The following TMEM192 variants were observed in gnomAD, a reference collection of about 807,000 sequenced individuals.
TMEM192 encodes transmembrane protein 192.
TMEM192 carries 20 observed loss-of-function variants against 26.7 expected under a neutral mutation model. The observed-to-expected ratio is 0.75, with a 90% confidence interval of 0.53 to 1.09. TMEM192 has a LOEUF of 1.09. Ranked by LOEUF, TMEM192 falls within the 50% of genes least tolerant of loss-of-function variation. TMEM192 has a pLI of 0.00. For missense variants in TMEM192, 304 were observed against 322.6 expected, an observed-to-expected ratio of 0.94 and a Z score of 0.44; for synonymous variants, 124 against 121.0, an observed-to-expected ratio of 1.02 and a Z score of -0.16.
At chr4:165,081,964 A>C (rs1578898911) in intron 5 of TMEM192, among the ~76,000 whole-genome samples, 1 of 26,728 alleles carries the variant, frequency 3.7e-5, no homozygotes, top group East Asian at 2.8e-3. Flanking sequence ...ATGACTGACC[A>C]TCTTCTTTTT....
In TMEM192 at chr4:165,078,487, C is replaced by T. The variant is rs1319359031; in HGVS notation, c.*1171G>A. On this transcript the variant is annotated 3_prime_UTR_variant, in exon 6 of 6. Transcript: ENST00000306480. ...AACTTAATATGCATTTCTTCCATTA[C>T]AATTTTTAAGTATAATCCAAGGCTT... The T allele has an allele frequency of 6.6e-6, 1 of 152,154 alleles. No individual in the cohort carries two copies. The highest frequency in any genetic ancestry group is 1.9e-4 in the East Asian group (1 of 5,194). 9.4% of individuals were successfully genotyped at this position (152,154 alleles called of 1,614,324 possible).
intron 3 of TMEM192, among the ~76,000 whole-genome samples, chr4:165,092,996 A>G (rs1052104893): frequency 6.6e-5 from 10 of 151,546 alleles, no homozygotes; most frequent in African/African-American, 2.4e-4. Flanking sequence ...TAGCAAGCCC[A>G]CTCACCCAAT....
intron 3 of TMEM192, among the ~76,000 whole-genome samples, chr4:165,092,837 C>A (rs1195197786): frequency 2.0e-5 from 3 of 151,712 alleles, no homozygotes; most frequent in African/African-American, 7.3e-5. Flanking sequence ...GCACAAATGA[C>A]ATAGCTACAC....
intron 1 of TMEM192, 35 bp from the exon 2 acceptor site, chr4:165,103,131 C>T (rs1355401487): frequency 1.3e-6 from 2 of 1,553,552 alleles, no homozygotes; most frequent in Non-Finnish European, 1.7e-6. Context: ...CTATAATCAC[C>T]ACTTTCTAGA....
intron 3 of TMEM192, among the ~76,000 whole-genome samples, chr4:165,094,410 G>T (rs961758274): frequency 6.6e-6 from 1 of 152,074 alleles, no homozygotes; most frequent in Non-Finnish European, 1.5e-5. Flanking sequence ...ATCACTCACC[G>T]TTTTAAAGAT....
At position 165,072,294 on chromosome 4, in the gene TMEM192, C is replaced by G. The variant is rs898989241; in HGVS notation, c.*7364G>C. ...ATAGGGCCAGGCACAGTGACTCATG[C>G]CTGTAATTGCAGCACTTTGGGAGGC... On this transcript the variant is annotated 3_prime_UTR_variant, in exon 6 of 6. Transcript: ENST00000306480. 1 of 151,880 alleles carries G rather than the reference C, an allele frequency of 6.6e-6. No individual in the cohort carries two copies. Among genetic ancestry groups the G allele is most frequent in the African/African-American group, 2.4e-5 (1 of 41,330 alleles). The allele number at this position is 151,880 out of a possible 1,614,324, so 9.4% of individuals were successfully genotyped here.
chr4:165,103,135 T>G, intron 1 of TMEM192, 39 bp from the exon 2 acceptor site: 1 of 1,541,474 alleles, frequency 6.5e-7, no homozygotes, highest in Non-Finnish European at 8.7e-7. Context: ...AATCACCACT[T>G]TCTAGATTAT....
At chr4:165,086,012 C>G (rs891000351) in intron 4 of TMEM192, among the ~76,000 whole-genome samples, 2 of 152,174 alleles carry the variant, frequency 1.3e-5, no homozygotes, top group African/African-American at 4.8e-5. Context: ...GTTGAGCAAC[C>G]AGCCAGCCAT....
At chr4:165,106,625 G>C (rs111722207) in intron 1 of TMEM192, among the ~76,000 whole-genome samples, 1 of 152,204 alleles carries the variant, frequency 6.6e-6, no homozygotes, top group East Asian at 1.9e-4. Context: ...TCAGATGCTT[G>C]CCTCCTTAAT....
Position 165,078,440 on chromosome 4 carries a change from G to A in TMEM192, c.*1218C>T, listed in dbSNP as rs1734438172. ...TACTTCAGTTTTATCTTCAGAATCAGATATGTTTAATATCTGCATATAACT... is the reference window on the plus strand; with the variant it reads ...TACTTCAGTTTTATCTTCAGAATCAAATATGTTTAATATCTGCATATAACT... On this transcript the variant is annotated 3_prime_UTR_variant, in exon 6 of 6. Coordinates refer to ENST00000306480, the MANE Select transcript of TMEM192 (RefSeq NM_001100389.2). The A allele has an allele frequency of 6.6e-6, 1 of 152,144 alleles. No individual in the cohort carries two copies. 9.4% of individuals were successfully genotyped at this position (152,144 alleles called of 1,614,324 possible).
intron 3 of TMEM192, among the ~76,000 whole-genome samples, chr4:165,099,337 C>T (rs1734986053): frequency 6.6e-6 from 1 of 151,930 alleles, no homozygotes; most frequent in Non-Finnish European, 1.5e-5. Context: ...CTGCCCACCT[C>T]AGCCTCCCAA....
At position 165,071,072 on chromosome 4, in the gene TMEM192, C is replaced by T. The variant is rs1734265432; in HGVS notation, c.*8586G>A. On this transcript the variant is annotated 3_prime_UTR_variant, in exon 6 of 6. Coordinates refer to ENST00000306480, the MANE Select transcript of TMEM192 (RefSeq NM_001100389.2). ...AATCATTGCAAGACCTCAGGTGATG[C>T]CTGGAGCCACAGATAGTACTAAACC... is the stretch of plus-strand genomic sequence containing the variant. The T allele has an allele frequency of 6.6e-6, 1 of 152,072 alleles. No individual in the cohort carries two copies. The allele number at this position is 152,072 out of a possible 1,614,324, so 9.4% of individuals were successfully genotyped here.
At position 165,092,898 on chromosome 4, in the gene TMEM192, T is replaced by TA. The variant is rs542962880; in HGVS notation, c.440-4297dup. 5.9e-3 allele frequency among the ~76,000 whole-genome samples: 862 copies of TA among 147,244 alleles called. 11 individuals are homozygous for TA. The highest frequency in any genetic ancestry group is 0.02 in the African/African-American group (802 of 40,184). On this transcript the variant is annotated intron_variant, in intron 3 of 5. Transcript: ENST00000306480. ...GGCAACAGAGCGAGACCTTGTCTCT[T>TA]AAAAAAAAAATAATAAAAATAAATA...
At chr4:165,092,422 C>T (rs1734789439) in intron 3 of TMEM192, among the ~76,000 whole-genome samples, 1 of 152,068 alleles carries the variant, frequency 6.6e-6, no homozygotes, top group African/African-American at 2.4e-5. Context: ...GCACCCGGCC[C>T]ACAGTGCTGT....
chr4:165,090,748 T>C (rs919027153), intron 3 of TMEM192, among the ~76,000 whole-genome samples: 2 of 151,104 alleles, frequency 1.3e-5, no homozygotes, highest in Non-Finnish European at 2.9e-5. Flanking sequence ...CCACTAAAAA[T>C]ACAAAAACTA....
At chr4:165,095,984 A>T (rs6812451) in intron 3 of TMEM192, among the ~76,000 whole-genome samples, 18,178 of 149,442 alleles carry the variant, frequency 0.12, 1,333 homozygotes, top group East Asian at 0.3. Flanking sequence ...TTTAGTACAG[A>T]CAGGGTTTCA....
Position 165,096,400 on chromosome 4 carries a change from C to CA in TMEM192, c.439+4227dup, listed in dbSNP as rs1268819162. On this transcript the variant is annotated intron_variant, in intron 3 of 5. Coordinates refer to ENST00000306480, the MANE Select transcript of TMEM192 (RefSeq NM_001100389.2). ...AGCCTGGACAACAGAGCAAGACTCT[C>CA]AAAAAAAAAATTATATATATATATA... 1.0e-4 allele frequency among the ~76,000 whole-genome samples: 15 copies of CA among 144,420 alleles called. No homozygotes were observed. In the East Asian group the frequency reaches 1.2e-3, roughly 12 times the overall value. The allele number at this position is 144,420 out of a possible 152,430, so 94.7% of individuals were successfully genotyped here.
intron 4 of TMEM192, among the ~76,000 whole-genome samples, chr4:165,087,442 G>A (rs899499460): frequency 2.0e-4 from 31 of 152,328 alleles, no homozygotes; most frequent in Non-Finnish European, 4.6e-4. Context: ...TTCTTGGGGA[G>A]TGAGGTAGAA....
Position 165,079,813 on chromosome 4 carries a change from T to G in TMEM192, c.678-17A>C, listed in dbSNP as rs771816502. On this transcript the variant is annotated splice_polypyrimidine_tract_variant and intron_variant, in intron 5 of 5. Transcript: ENST00000306480. ...GAAATAGTTCTGCAAGTAATCAAGA[T>G]ATAAATGGGTTACACATATTCACCA... 1 of 1,612,310 alleles carries G rather than the reference T, an allele frequency of 6.2e-7. No individual in the cohort carries two copies. The highest frequency in any genetic ancestry group is 1.1e-5 in the South Asian group (1 of 90,838).
Sources: gnomAD v4.1 joint callset for allele counts (sites outside exome capture counted in the v4.1 genomes callset) on GRCh38, gnomAD v4.1.1 for gene constraint, MANE v1.5 for transcripts, NCBI Gene and HGNC (gene_info 2026-07-23, HGNC 2026-07-21) for gene names.